The following DENND1A variants were observed in gnomAD, a reference collection of about 807,000 sequenced individuals.
The protein encoded by DENND1A is DENN domain-containing protein 1A.
In DENND1A, 51 loss-of-function variants were observed where a neutral mutation model predicts 113.7. That is an observed-to-expected ratio of 0.45 (90% CI 0.36 to 0.57). DENND1A has a LOEUF of 0.57. Among genes scored for constraint, DENND1A ranks in the 20% least tolerant of loss-of-function variants. The pLI is 0.00. For synonymous variants in DENND1A, 565 were observed against 570.8 expected, an observed-to-expected ratio of 0.99 and a Z score of 0.14; for missense variants, 1,258 against 1,395.9, an observed-to-expected ratio of 0.90 and a Z score of 1.57.
At chr9:123,904,859 C>T (rs1003865614) in intron 1 of DENND1A, among the ~76,000 whole-genome samples, 72 of 152,146 alleles carry the variant, frequency 4.7e-4, no homozygotes, top group African/African-American at 1.2e-3. Context: ...ACAGAGAACG[C>T]CACACAGATA....
At chr9:123,461,340 C>A (rs2048506351) in intron 13 of DENND1A, among the ~76,000 whole-genome samples, 1 of 152,328 alleles carries the variant, frequency 6.6e-6, no homozygotes, top group South Asian at 2.1e-4. Context: ...AAGAGCCCAG[C>A]CCCTAATCAG....
intron 13 of DENND1A, among the ~76,000 whole-genome samples, chr9:123,524,863 C>G (rs1408646132): frequency 6.6e-6 from 1 of 152,202 alleles, no homozygotes; most frequent in Non-Finnish European, 1.5e-5. Context: ...AACCAAACGC[C>G]TACCTCCGAC....
chr9:123,806,143 G>C (rs573392931), intron 2 of DENND1A, among the ~76,000 whole-genome samples: 22 of 151,996 alleles, frequency 1.4e-4, no homozygotes, highest in African/African-American at 5.3e-4. Flanking sequence ...CAGTAGAGAT[G>C]GGGTTTTGCC....
At chr9:123,631,863 T>C (rs1457937724) in intron 9 of DENND1A, among the ~76,000 whole-genome samples, 4 of 151,804 alleles carry the variant, frequency 2.6e-5, no homozygotes, top group African/African-American at 9.7e-5. Context: ...CAAAATTCAA[T>C]ATAGTGAAAA....
intron 2 of DENND1A, among the ~76,000 whole-genome samples, chr9:123,856,704 G>A (rs1198519530): frequency 6.6e-6 from 1 of 152,034 alleles, no homozygotes; most frequent in African/African-American, 2.4e-5. Context: ...AGCCTGGCAG[G>A]GCTTGTCAAA....
intron 20 of DENND1A, among the ~76,000 whole-genome samples, chr9:123,408,543 C>A (rs1174995455): frequency 6.6e-6 from 1 of 152,186 alleles, no homozygotes; most frequent in Non-Finnish European, 1.5e-5. Context: ...TAAGGTCGCA[C>A]AGCCAGGAAG....
intron 10 of DENND1A, among the ~76,000 whole-genome samples, chr9:123,625,286 C>A (rs1429346151): frequency 6.6e-6 from 1 of 152,322 alleles, no homozygotes; most frequent in East Asian, 1.9e-4. Flanking sequence ...AAGAATTCAA[C>A]GCCATCACAG....
intron 2 of DENND1A, among the ~76,000 whole-genome samples, chr9:123,836,787 C>T (rs996047896): frequency 2.2e-4 from 33 of 152,014 alleles, no homozygotes; most frequent in African/African-American, 7.7e-4. Context: ...TGTTTATTCA[C>T]ATTACAAAAT....
intron 18 of DENND1A, among the ~76,000 whole-genome samples, chr9:123,443,710 T>C (rs549892820): frequency 2.5e-4 from 38 of 152,282 alleles, no homozygotes; most frequent in African/African-American, 9.1e-4. Context: ...ATCCCAGCAC[T>C]TTAGGGGGTC....
chr9:123,571,093 T>C (rs1460430642), intron 12 of DENND1A, among the ~76,000 whole-genome samples: 1 of 151,678 alleles, frequency 6.6e-6, no homozygotes, highest in African/African-American at 2.4e-5. Context: ...TTTTTTAGGG[T>C]AAAACAAAGC....
intron 10 of DENND1A, among the ~76,000 whole-genome samples, chr9:123,620,475 C>A (rs986114745): frequency 6.6e-6 from 1 of 152,122 alleles, no homozygotes; most frequent in African/African-American, 2.4e-5. Flanking sequence ...CACTGAGGCT[C>A]AGGCAGGAGA....
chr9:123,526,974 T>C (rs1337040370), intron 13 of DENND1A, among the ~76,000 whole-genome samples: 1 of 152,196 alleles, frequency 6.6e-6, no homozygotes, highest in African/African-American at 2.4e-5. Context: ...TCCACTGACA[T>C]ATCAAACTCA....
At chr9:123,408,934 C>T (rs991856196) in intron 20 of DENND1A, among the ~76,000 whole-genome samples, 2 of 152,190 alleles carry the variant, frequency 1.3e-5, no homozygotes, top group East Asian at 1.9e-4. Context: ...TCCCAAGCCT[C>T]GAAGGGGAAT....
intron 19 of DENND1A, among the ~76,000 whole-genome samples, chr9:123,434,768 C>G (rs1376063329): frequency 6.6e-6 from 1 of 152,136 alleles, no homozygotes; most frequent in Non-Finnish European, 1.5e-5. Flanking sequence ...AAGATGGAGT[C>G]TTTAGGAGAG....
At chr9:123,820,281 G>C (rs890357334) in intron 2 of DENND1A, among the ~76,000 whole-genome samples, 1 of 152,288 alleles carries the variant, frequency 6.6e-6, no homozygotes, top group South Asian at 2.1e-4. Flanking sequence ...GGCTGACTTC[G>C]TGACTTGCTT....
At chr9:123,479,630 T>C (rs960556759) in intron 13 of DENND1A, among the ~76,000 whole-genome samples, 1 of 152,226 alleles carries the variant, frequency 6.6e-6, no homozygotes, top group African/African-American at 2.4e-5. Context: ...GACTGGTTAG[T>C]TGGGCGGAAA....
chr9:123,826,058 T>G (rs1468653736), intron 2 of DENND1A, among the ~76,000 whole-genome samples: 1 of 152,242 alleles, frequency 6.6e-6, no homozygotes, highest in African/African-American at 2.4e-5. Context: ...AAAGGTACTG[T>G]AGGAATGTAA....
chr9:123,421,925 C>A (rs1416802629), intron 19 of DENND1A, among the ~76,000 whole-genome samples: 1 of 152,208 alleles, frequency 6.6e-6, no homozygotes, highest in African/African-American at 2.4e-5. Flanking sequence ...TCTTTCCAGC[C>A]AGCCCCCTCA....
intron 19 of DENND1A, among the ~76,000 whole-genome samples, chr9:123,423,403 CGGTA>C (rs1295886924): frequency 6.6e-6 from 1 of 152,174 alleles, no homozygotes; most frequent in East Asian, 1.9e-4. Context: ...TTCTGCTTGG[CGGTA>C]GACCTTAAGA....
Sources: allele counts gnomAD v4.1 joint callset (sites outside exome capture counted in the v4.1 genomes callset), GRCh38; gene constraint gnomAD v4.1.1; transcripts MANE v1.5; gene names NCBI Gene and HGNC (gene_info 2026-07-23, HGNC 2026-07-21).